Variants in PVT1 observed in about 807,000 individuals in gnomAD.
PVT1 encodes the protein Pvt1 oncogene, also known as CXCR4/PVT1 fusion.
At chr8:127,845,816 C>T (rs28551700) in intron 2 of PVT1, among the ~76,000 whole-genome samples, 5,414 of 152,220 alleles carry the variant, frequency 0.036, 260 homozygotes, top group East Asian at 0.14. Context: ...CCAGGCCTGG[C>T]GAGGATTTTG....
At chr8:127,853,910 G>A (rs1815132547) in intron 2 of PVT1, among the ~76,000 whole-genome samples, 1 of 151,820 alleles carries the variant, frequency 6.6e-6, no homozygotes, top group African/African-American at 2.4e-5. Flanking sequence ...GCTTTTCACT[G>A]ACCCTTCCTT....
chr8:127,920,979 G>A (rs1031963510), intron 3 of PVT1, among the ~76,000 whole-genome samples: 8 of 152,186 alleles, frequency 5.3e-5, no homozygotes, highest in African/African-American at 1.9e-4. Context: ...CCTTTGATTG[G>A]TTAATAAATA....
intron 5 of PVT1, among the ~76,000 whole-genome samples, chr8:128,087,583 C>T (rs1210160690): frequency 6.6e-6 from 1 of 152,098 alleles, no homozygotes; most frequent in Non-Finnish European, 1.5e-5. Context: ...CTCAAGCAAA[C>T]TCTTAAGCAT....
Position 127,817,539 on chromosome 8 carries a change from A to G in PVT1, n.372+21468A>G, listed in dbSNP as rs943995227. ...GATATATCTATTTAAATATATATAT[A>G]TATATATACACACACACACACATAT... is the stretch of plus-strand genomic sequence containing the variant. On this transcript the variant is annotated intron_variant and non_coding_transcript_variant, in intron 2 of 10. Transcript: ENST00000651587. Among the ~76,000 whole-genome samples, 378 of 93,328 alleles carry G rather than the reference A, an allele frequency of 4.1e-3. 1 individual carries two copies. The highest frequency in any genetic ancestry group is 9.6e-3 in the Middle Eastern group (2 of 208). The allele number at this position is 93,328 out of a possible 152,430, so 61.2% of individuals were successfully genotyped here.
chr8:128,094,472 C>T lies in PVT1; in HGVS notation n.1115-2046C>T, dbSNP rs868505268. Among the ~76,000 whole-genome samples the T allele has an allele frequency of 1.2e-4, 19 of 152,202 alleles. No individual in the cohort carries two copies. The South Asian group carries it at 1.5e-3, about 12-fold the overall frequency. The stretch of plus-strand genomic sequence containing the variant: ...CTACATAAGCTATAGTTGGTGTGTG[C>T]AGAGCTTTCACTCAATGATGGCACA... On this transcript the variant is annotated intron_variant and non_coding_transcript_variant, in intron 5 of 10. Coordinates refer to ENST00000651587, the Ensembl canonical transcript of PVT1.
At chr8:127,811,777 A>G (rs533437159) in intron 2 of PVT1, among the ~76,000 whole-genome samples, 1 of 152,092 alleles carries the variant, frequency 6.6e-6, no homozygotes, top group South Asian at 2.1e-4. Flanking sequence ...CTGGCCGGTT[A>G]ACACAGGGCT....
intron 2 of PVT1, among the ~76,000 whole-genome samples, chr8:127,809,052 A>AAAAAAAAAAAAAAAAAAAAAAAAAAG (rs1554588311): frequency 3.7e-5 from 5 of 135,026 alleles, no homozygotes; most frequent in African/African-American, 1.2e-4. Context: ...AAAAAAAAAA[A>AAAAAAAAAAAAAAAAAAAAAAAAAAG]AAAGAAAGAA....
At chr8:127,821,099 C>T (rs191976539) in intron 2 of PVT1, among the ~76,000 whole-genome samples, 6 of 152,152 alleles carry the variant, frequency 3.9e-5, no homozygotes, top group African/African-American at 7.2e-5. Context: ...AAAAGCTGTG[C>T]GGATACTAGC....
intron 3 of PVT1, among the ~76,000 whole-genome samples, chr8:127,982,301 C>T (rs1332178946): frequency 1.3e-5 from 2 of 152,140 alleles, no homozygotes; most frequent in Non-Finnish European, 2.9e-5. Flanking sequence ...GTGATCAAAT[C>T]TAAACACTCT....
At chr8:127,809,345 C>T in intron 2 of PVT1, among the ~76,000 whole-genome samples, 1 of 152,106 alleles carries the variant, frequency 6.6e-6, no homozygotes, top group South Asian at 2.1e-4. Flanking sequence ...GTGCATGGCA[C>T]CACCCCCAGC....
chr8:127,889,523 C>A (rs2129801195), intron 2 of PVT1, among the ~76,000 whole-genome samples: 1 of 151,392 alleles, frequency 6.6e-6, no homozygotes, highest in South Asian at 2.1e-4. Context: ...AATTTCTCAT[C>A]TCTAAAGTCG....
chr8:128,081,360 A>G (rs898796341), intron 5 of PVT1, among the ~76,000 whole-genome samples: 8 of 152,234 alleles, frequency 5.3e-5, no homozygotes, highest in Admixed American at 3.9e-4. Flanking sequence ...ACATTCGTAC[A>G]TAGGTTTTTG....
chr8:127,894,265 G>A (rs1815646283), intron 3 of PVT1, among the ~76,000 whole-genome samples: 1 of 152,164 alleles, frequency 6.6e-6, no homozygotes, highest in Non-Finnish European at 1.5e-5. Flanking sequence ...ACCCAGGGTG[G>A]CAATGAGGGA....
In PVT1 at chr8:127,950,844, T is replaced by A. The variant is rs142207213; in HGVS notation, n.783-38318T>A. ...GCACTTTTACAGTTTATAAGCCATTTCACAGACATTATCTCACTCCATTGG... is the reference window on the plus strand; with the variant it reads ...GCACTTTTACAGTTTATAAGCCATTACACAGACATTATCTCACTCCATTGG... On this transcript the variant is annotated intron_variant and non_coding_transcript_variant, in intron 3 of 10. Coordinates refer to ENST00000651587, the Ensembl canonical transcript of PVT1. Among the ~76,000 whole-genome samples, 564 of 152,346 alleles carry A rather than the reference T, an allele frequency of 3.7e-3. 4 individuals are homozygous for A. Among genetic ancestry groups the A allele is most frequent in the African/African-American group, 0.013 (547 of 41,572 alleles).
At chr8:127,918,316 G>GA (rs1586435456) in intron 3 of PVT1, among the ~76,000 whole-genome samples, 1 of 152,336 alleles carries the variant, frequency 6.6e-6, no homozygotes, top group East Asian at 1.9e-4. Flanking sequence ...CACAGCCAGG[G>GA]AAAGAGTGTG....
chr8:127,910,910 T>A (rs944302045), intron 3 of PVT1, among the ~76,000 whole-genome samples: 22 of 143,504 alleles, frequency 1.5e-4, no homozygotes, highest in African/African-American at 5.7e-4. Flanking sequence ...TGTGTGTGTG[T>A]GTGAGAGAGA....
intron 2 of PVT1, among the ~76,000 whole-genome samples, chr8:127,887,937 T>TG (rs1815546707): frequency 8.2e-6 from 1 of 122,376 alleles, no homozygotes; most frequent in Non-Finnish European, 1.7e-5. Context: ...TCTTGTTTTT[T>TG]TTTTTTTTTT....
intron 3 of PVT1, among the ~76,000 whole-genome samples, chr8:127,937,574 C>CAGAGAGAGAGAGAGAGAG (rs1403061270): frequency 5.2e-5 from 5 of 96,292 alleles, no homozygotes; most frequent in African/African-American, 1.7e-4. Flanking sequence ...CACACACACA[C>CAGAGAGAGAGAGAGAGAG]ACACACAGAG....
At chr8:127,806,374 T>C (rs887847223) in intron 2 of PVT1, among the ~76,000 whole-genome samples, 1 of 152,032 alleles carries the variant, frequency 6.6e-6, no homozygotes, top group Non-Finnish European at 1.5e-5. Flanking sequence ...GGCAGGAGAA[T>C]CGCTTGAACC....
Sources: allele counts gnomAD v4.1 joint callset (sites outside exome capture counted in the v4.1 genomes callset), GRCh38; gene constraint gnomAD v4.1.1; transcripts MANE v1.5; gene names NCBI Gene and HGNC (gene_info 2026-07-23, HGNC 2026-07-21).